Variants in CACNB3 observed in about 807,000 individuals in gnomAD.
The protein encoded by CACNB3 is voltage-dependent L-type calcium channel subunit beta-3.
In CACNB3, 36 loss-of-function variants were observed where a neutral mutation model predicts 63.7. That is an observed-to-expected ratio of 0.57 (90% CI 0.43 to 0.75). The LOEUF is 0.75. Ranked by LOEUF, CACNB3 falls within the 30% of genes least tolerant of loss-of-function variation. The pLI is 0.00. For synonymous variants in CACNB3, 241 were observed against 250.6 expected, an observed-to-expected ratio of 0.96 and a Z score of 0.36; for missense variants, 493 against 648.6, an observed-to-expected ratio of 0.76 and a Z score of 2.61.
At chr12:48,818,375 C>A (rs374306369), upstream of CACNB3, 3 of 875,338 alleles carry the variant, frequency 3.4e-6, no homozygotes, top group African/African-American at 1.8e-5. The surrounding 1 kb of genome is among the most constrained non-coding windows in gnomAD (Gnocchi z 4.3). Flanking sequence ...CCCTCCCTCC[C>A]CCGCCGCAGC....
rs1210284114 is a variant in CACNB3, at chr12:48,818,793, G to C, written c.-137G>C. On this transcript the variant is annotated 5_prime_UTR_variant, in exon 1 of 13. Coordinates refer to ENST00000301050, the MANE Select transcript of CACNB3 (RefSeq NM_000725.4). The surrounding 1 kb of genome is among the most constrained non-coding windows in gnomAD (Gnocchi z 4.3). Reference sequence around the variant, plus strand: ...CTTCGCGGCTCGCTCCCTCCTTCGCGCTCTCTCGCTCCCTGCCGCCGCCCG... The same window carrying C: ...CTTCGCGGCTCGCTCCCTCCTTCGCCCTCTCTCGCTCCCTGCCGCCGCCCG... 2 of 1,354,428 alleles carry C rather than the reference G, an allele frequency of 1.5e-6. No individual in the cohort carries two copies. The highest frequency in any genetic ancestry group is 8.2e-5 in the Admixed American group (2 of 24,272). 83.9% of individuals were successfully genotyped at this position (1,354,428 alleles called of 1,614,324 possible). A position where few individuals can be genotyped will look rare whatever the true frequency, so the allele number is the denominator to read the frequency against.
At position 48,827,468 on chromosome 12, in the gene CACNB3, C is replaced by T. The variant is rs1456602928; in HGVS notation, c.1141-117C>T. ...GAAAAATGCTCCAGCATGCTTTTTC[C>T]TTGCACTATTTCCTTTACCGGGGAA... is the stretch of plus-strand genomic sequence containing the variant. On this transcript the variant is annotated intron_variant, in intron 12 of 12. Transcript: ENST00000301050. 4 of 1,024,722 alleles carry T rather than the reference C, an allele frequency of 3.9e-6. No homozygotes were observed. In the African/African-American group the frequency reaches 6.4e-5, roughly 16 times the overall value. The allele number at this position is 1,024,722 out of a possible 1,614,324, so 63.5% of individuals were successfully genotyped here. A position where few individuals can be genotyped will look rare whatever the true frequency, so the allele number is the denominator to read the frequency against.
At position 48,827,626 on chromosome 12, in the gene CACNB3, C is replaced by T. The variant is rs191174951; in HGVS notation, c.1182C>T (p.Pro394=). The change falls in exon 13 of 13, where the codon CCC becomes CCT. Residue 394 remains proline (P), a synonymous_variant. Transcript: ENST00000301050. ...LLGERGEEHS[P]LERDSLMPSD... is the part of the protein sequence containing the mutation. ...GGGAGCGTGGCGAGGAGCACTCCCC[C>T]CTTGAGCGGGACAGCTTGATGCCCT... is the stretch of plus-strand genomic sequence containing the variant. 11 of 1,613,542 alleles carry T rather than the reference C, an allele frequency of 6.8e-6. No homozygotes were observed. The highest frequency in any genetic ancestry group is 1.7e-5 in the Admixed American group (1 of 60,008).
chr12:48,821,105 A>C (rs1353256676), intron 1 of CACNB3: 1 of 149,516 alleles, frequency 6.7e-6, no homozygotes, highest in Non-Finnish European at 1.5e-5. Flanking sequence ...AATTGCTTGA[A>C]CCCGGGAGGC....
In CACNB3 at chr12:48,818,778, C is replaced by T. The variant is rs1239400194; in HGVS notation, c.-152C>T. On this transcript the variant is annotated 5_prime_UTR_variant, in exon 1 of 13. Coordinates refer to ENST00000301050, the MANE Select transcript of CACNB3 (RefSeq NM_000725.4). This position sits in a 1 kb window ranked among gnomAD's most constrained non-coding sequence, Gnocchi z 4.3. ...CTCCGAGCAGCTGGTCTTCGCGGCT[C>T]GCTCCCTCCTTCGCGCTCTCTCGCT... The T allele has an allele frequency of 1.6e-5, 21 of 1,348,976 alleles. No homozygotes were observed. The highest frequency in any genetic ancestry group is 1.7e-5 in the Non-Finnish European group (18 of 1,051,004). The allele number at this position is 1,348,976 out of a possible 1,614,324, so 83.6% of individuals were successfully genotyped here. A position where few individuals can be genotyped will look rare whatever the true frequency, so the allele number is the denominator to read the frequency against.
intron 5 of CACNB3, 104 bp from the exon 6 acceptor site, chr12:48,824,845 G>C: frequency 6.5e-7 from 1 of 1,528,678 alleles, no homozygotes. Flanking sequence ...GGGATTGGAA[G>C]GGGTGGGGAG....
Position 48,826,935 on chromosome 12 carries a change from G to A in CACNB3, c.991-39G>A. ...TAGAGATGGGTGGGGGGCTGCTACTGAGGGGAAACCAACGTTGCGCCTTCC... is the reference window on the plus strand; with the variant it reads ...TAGAGATGGGTGGGGGGCTGCTACTAAGGGGAAACCAACGTTGCGCCTTCC... On this transcript the variant is annotated intron_variant, in intron 11 of 12. Transcript: ENST00000301050. This position sits in a 1 kb window ranked among gnomAD's most constrained non-coding sequence, Gnocchi z 4.8. 2 of 1,613,568 alleles carry A rather than the reference G, an allele frequency of 1.2e-6. No individual in the cohort carries two copies. The highest frequency in any genetic ancestry group is 1.3e-5 in the African/African-American group (1 of 75,034).
chr12:48,824,804 C>A, intron 5 of CACNB3, 71 bp downstream of exon 5: 1 of 1,554,270 alleles, frequency 6.4e-7, no homozygotes, highest in South Asian at 1.1e-5. Flanking sequence ...GGGATCCTGC[C>A]CAAGTGAACT....
chr12:48,825,727 A>G lies in CACNB3; in HGVS notation c.700A>G (p.Lys234Glu). 1 of 1,614,180 alleles carries G rather than the reference A, an allele frequency of 6.2e-7. No individual in the cohort carries two copies. Among genetic ancestry groups the G allele is most frequent in the Non-Finnish European group, 8.5e-7 (1 of 1,180,030 alleles). Residue 234 changes from lysine (K) to glutamate (E), a missense_variant, in exon 9 of 13, where the codon AAG (lysine) becomes GAG (glutamate). Transcript: ENST00000301050. The surrounding 1 kb of genome is among the most constrained non-coding windows in gnomAD (Gnocchi z 4.5). ...AKRSVLNNPG[K>E]RTIIERSSAR... Reference sequence around the variant, plus strand: ...GCGATCTGTGCTCAACAATCCGGGCAAGAGGACCATCATTGAGCGCTCCTC... The same window carrying G: ...GCGATCTGTGCTCAACAATCCGGGCGAGAGGACCATCATTGAGCGCTCCTC...
Position 48,825,031 on chromosome 12 carries a change from T to TA in CACNB3, c.492+64dup. 6.6e-7 allele frequency: 1 copy of TA among 1,505,250 alleles called. No individual in the cohort carries two copies. The highest frequency in any genetic ancestry group is 9.2e-7 in the Non-Finnish European group (1 of 1,084,792). 93.2% of individuals were successfully genotyped at this position (1,505,250 alleles called of 1,614,324 possible). On this transcript the variant is annotated intron_variant, in intron 6 of 12. Transcript: ENST00000301050. This position sits in a 1 kb window ranked among gnomAD's most constrained non-coding sequence, Gnocchi z 4.5. ...GCTTATGGCTCTGGGGACAGTGTTC[T>TA]AGGCAGTCATTGTTGGAGGGCAGAA...
chr12:48,826,884 C>G lies in CACNB3; in HGVS notation c.990+30C>G, dbSNP rs746693219. On this transcript the variant is annotated intron_variant, in intron 11 of 12. Coordinates refer to ENST00000301050, the MANE Select transcript of CACNB3 (RefSeq NM_000725.4). This position sits in a 1 kb window ranked among gnomAD's most constrained non-coding sequence, Gnocchi z 4.8. ...GTGCCTGGGTCAGCTGCTCCTGTGCCCACTCCCCCAGGGCTGCGGCAGTGA... is the reference window on the plus strand; with the variant it reads ...GTGCCTGGGTCAGCTGCTCCTGTGCGCACTCCCCCAGGGCTGCGGCAGTGA... 6.2e-7 allele frequency: 1 copy of G among 1,611,326 alleles called. No individual in the cohort carries two copies. The highest frequency in any genetic ancestry group is 1.3e-5 in the African/African-American group (1 of 74,936).
rs187149968 is a variant in CACNB3 at position 48,828,563 on chromosome 12, C to T, written c.*664C>T. ...CTCACCCTGCCAGGAAGCTTCTTAA[C>T]ATGTGACAGGACCAGGGACCAGGAG... On this transcript the variant is annotated 3_prime_UTR_variant, in exon 13 of 13. Transcript: ENST00000301050. 2.2e-3 allele frequency: 904 copies of T among 416,304 alleles called. 6 individuals carry two copies. Among genetic ancestry groups the T allele is most frequent in the Admixed American group, 0.021 (802 of 38,568 alleles). 25.8% of individuals were successfully genotyped at this position (416,304 alleles called of 1,614,324 possible).
At chr12:48,817,923 C>G (rs1942324009), upstream of CACNB3, 2 of 152,276 alleles carry the variant, frequency 1.3e-5, no homozygotes. Context: ...AAGGGAACCC[C>G]CATCCTGGCA....
chr12:48,827,416 A>G (rs1337739854), intron 12 of CACNB3, among the ~76,000 whole-genome samples, 169 bp from the exon 13 acceptor site: 2 of 152,306 alleles, frequency 1.3e-5, no homozygotes, highest in Admixed American at 1.3e-4. Flanking sequence ...GCGGGAGTCG[A>G]AGCTCCAGTT....
At chr12:48,818,313 G>A (rs1942338759), upstream of CACNB3, 1 of 240,544 alleles carries the variant, frequency 4.2e-6, no homozygotes, top group Non-Finnish European at 6.7e-6. The surrounding 1 kb of genome is among the most constrained non-coding windows in gnomAD (Gnocchi z 4.3). Flanking sequence ...CTCGACACCT[G>A]CGCCCTCTCC....
intron 1 of CACNB3, among the ~76,000 whole-genome samples, chr12:48,821,718 C>G (rs1460941164): frequency 6.6e-6 from 1 of 152,162 alleles, no homozygotes; most frequent in Non-Finnish European, 1.5e-5. Flanking sequence ...CCTAAGACCC[C>G]TGGGAAGGAG....
chr12:48,828,630 G>C lies in CACNB3; in HGVS notation c.*731G>C, dbSNP rs1199025697. The C allele has an allele frequency of 2.2e-6, 1 of 455,810 alleles. No homozygotes were observed. The highest frequency in any genetic ancestry group is 4.4e-6 in the Non-Finnish European group (1 of 226,482). 28.2% of individuals were successfully genotyped at this position (455,810 alleles called of 1,614,324 possible). On this transcript the variant is annotated 3_prime_UTR_variant, in exon 13 of 13. Coordinates refer to ENST00000301050, the MANE Select transcript of CACNB3 (RefSeq NM_000725.4). ...GGCAGATGGGAGCCAACCTGGATGG[G>C]GGTTTGGGGAAGGAGGGCATGTGTA...
rs1937943121 is a variant in CACNB3 at position 48,823,133 on chromosome 12, A to G, written c.46-211A>G. Among the ~76,000 whole-genome samples the G allele has an allele frequency of 6.6e-6, 1 of 152,126 alleles. No individual in the cohort carries two copies. Among genetic ancestry groups the G allele is most frequent in the Non-Finnish European group, 1.5e-5 (1 of 68,004 alleles). ...TAGGCTTGGGGGAGGAGGGGCCCAG[A>G]TCTTTGCACCTATGGATTGGGCCAG... On this transcript the variant is annotated intron_variant, in intron 1 of 12. Coordinates refer to ENST00000301050, the MANE Select transcript of CACNB3 (RefSeq NM_000725.4). This position sits in a 1 kb window ranked among gnomAD's most constrained non-coding sequence, Gnocchi z 4.2.
At chr12:48,814,736 G>GT (rs1472929524), upstream of CACNB3, among the ~76,000 whole-genome samples, 1 of 152,156 alleles carries the variant, frequency 6.6e-6, no homozygotes, top group Non-Finnish European at 1.5e-5. The surrounding 1 kb of genome is among the most constrained non-coding windows in gnomAD (Gnocchi z 6.9). Flanking sequence ...TCCGGGGTGC[G>GT]TCCCCCCTGC....
Sources: gnomAD v4.1 joint callset for allele counts (sites outside exome capture counted in the v4.1 genomes callset) on GRCh38, gnomAD v4.1.1 for gene constraint, Gnocchi (gnomAD v3.1) non-coding constraint, MANE v1.5 for transcripts, NCBI Gene and HGNC (gene_info 2026-07-23, HGNC 2026-07-21) for gene names.